XAF1: variants seen among roughly 807,000 people sequenced by gnomAD.
XAF1 encodes the protein XIAP associated factor 1, also known as XIAP-associated factor 1.
A neutral mutation model predicts 32.3 loss-of-function variants in XAF1; 32 were observed. The ratio of observed to expected loss-of-function variants is 0.99; its 90% CI spans 0.75 to 1.33. The LOEUF is 1.33. XAF1 is among the 40% of genes most tolerant of loss of function. XAF1 has a pLI of 0.00. For missense variants in XAF1, 379 were observed against 366.0 expected (o/e 1.04, Z -0.29); for synonymous variants, 120 against 125.9 (o/e 0.95, Z 0.31).
intron 5 of XAF1, among the ~76,000 whole-genome samples, chr17:6,766,334 C>A: frequency 6.6e-6 from 1 of 152,208 alleles, no homozygotes; most frequent in East Asian, 1.9e-4. Flanking sequence ...AAACTATAAG[C>A]CCCACTGGTC....
intron 1 of XAF1, among the ~76,000 whole-genome samples, chr17:6,756,681 G>A (rs1974699432): frequency 6.6e-6 from 1 of 152,150 alleles, no homozygotes; most frequent in Admixed American, 6.5e-5. Context: ...CTTTGCTCCA[G>A]CCAGACCCTT....
chr17:6,759,574 C>T lies in XAF1; in HGVS notation c.169-88C>T, dbSNP rs1453565520. 3 of 1,594,670 alleles carry T rather than the reference C, an allele frequency of 1.9e-6. No individual in the cohort carries two copies. The African/African-American group carries it at 4.0e-5, about 21-fold the overall frequency. The stretch of plus-strand genomic sequence containing the variant: ...AGTTCACAGACCCAAACCCGGAACA[C>T]TGTGAGCCAAAGTGGATGTGGGGCA... On this transcript the variant is annotated intron_variant, in intron 2 of 6. Coordinates refer to ENST00000361842, the MANE Select transcript of XAF1 (RefSeq NM_017523.5).
chr17:6,756,379 C>A, intron 1 of XAF1: 1 of 993,718 alleles, frequency 1.0e-6, no homozygotes, highest in Non-Finnish European at 1.4e-6. Flanking sequence ...AATAGCCCGG[C>A]CAGTGGTCCC....
intron 6 of XAF1, chr17:6,771,334 C>T (rs1000440989): frequency 9.1e-5 from 18 of 196,738 alleles, no homozygotes; most frequent in African/African-American, 4.2e-4. Context: ...CTATCTCTCT[C>T]ATGGTGTAGA....
At chr17:6,759,507 G>A in intron 2 of XAF1, 155 bp from the exon 3 acceptor site, 1 of 1,477,530 alleles carries the variant, frequency 6.8e-7, no homozygotes, top group Non-Finnish European at 8.9e-7. Flanking sequence ...CGGGGTGCTA[G>A]AGAGACACTG....
intron 5 of XAF1, among the ~76,000 whole-genome samples, chr17:6,768,563 T>G (rs1478606102): frequency 6.6e-6 from 1 of 152,232 alleles, no homozygotes; most frequent in Non-Finnish European, 1.5e-5. Context: ...AAATCTTTAG[T>G]TGCCTGAAAA....
chr17:6,759,446 G>C (rs1431935630), intron 2 of XAF1: 1 of 1,418,038 alleles, frequency 7.1e-7, no homozygotes, highest in South Asian at 1.6e-5. Flanking sequence ...TCAAGCTCAG[G>C]CAGCCGTTGC....
intron 1 of XAF1, chr17:6,756,376 C>G: frequency 9.6e-7 from 1 of 1,046,364 alleles, no homozygotes; most frequent in Non-Finnish European, 1.3e-6. Context: ...CCAAATAGCC[C>G]GGCCAGTGGT....
rs758535815 is a variant in XAF1 at position 6,770,961 on chromosome 17, C to T, written c.826C>T (p.Leu276=). The change falls in exon 6 of 7, where the codon CTG becomes TTG. Residue 276 remains leucine, a synonymous_variant. Transcript: ENST00000361842. ...TTCTCAGTGTGGCATCCTGCTTCCC[C>T]TGCCGATCCTAAATCAACATCAGGT... ...RCSQCGILLP[L]PILNQHQEKC... 6.2e-7 allele frequency: 1 copy of T among 1,614,120 alleles called. No homozygotes were observed. Among genetic ancestry groups the T allele is most frequent in the Admixed American group, 1.7e-5 (1 of 60,012 alleles).
At chr17:6,772,938 G>A (rs377073408) in intron 6 of XAF1, 175 bp from the exon 7 acceptor site, 38 of 535,692 alleles carry the variant, frequency 7.1e-5, no homozygotes, top group East Asian at 2.5e-4. Context: ...AAACTTTGTC[G>A]CAAGCCTCCT....
chr17:6,762,058 G>C (rs542727305), intron 4 of XAF1, 97 bp from the exon 5 acceptor site: 1 of 1,590,052 alleles, frequency 6.3e-7, no homozygotes, highest in East Asian at 2.3e-5. Context: ...GGGGCAGTTC[G>C]TGCTCATGAG....
intron 6 of XAF1, among the ~76,000 whole-genome samples, chr17:6,772,424 AT>A (rs1976106425): frequency 2.4e-5 from 3 of 124,222 alleles, no homozygotes; most frequent in African/African-American, 9.4e-5. Context: ...TGTTATATAC[AT>A]TTTTTCACTT....
chr17:6,758,141 C>A lies in XAF1; in HGVS notation c.85C>A (p.Arg29=), dbSNP rs1362977500. The A allele has an allele frequency of 1.2e-6, 2 of 1,614,104 alleles. No homozygotes were observed. Among genetic ancestry groups the A allele is most frequent in the Non-Finnish European group, 1.7e-6 (2 of 1,180,044 alleles). ...CACCCTCCATGAGGCTTACTGCCTGCGGTTCCTGGTCCTGTGTCCGGAGTG... is the reference window on the plus strand; with the variant it reads ...CACCCTCCATGAGGCTTACTGCCTGAGGTTCCTGGTCCTGTGTCCGGAGTG... ...NFTLHEAYCL[R]FLVLCPECEE... is the part of the protein sequence containing the mutation. Residue 29 remains arginine, a synonymous_variant, in exon 2 of 7, where the codon CGG becomes AGG. Transcript: ENST00000361842.
Position 6,762,064 on chromosome 17 carries a change from A to G in XAF1, c.422-91A>G, listed in dbSNP as rs747732935. On this transcript the variant is annotated intron_variant, in intron 4 of 6. Transcript: ENST00000361842. ...CAGGTCCGGGGGGCAGTTCGTGCTCATGAGCACAGGCCATGTATGCAGTTG... is the reference window on the plus strand; with the variant it reads ...CAGGTCCGGGGGGCAGTTCGTGCTCGTGAGCACAGGCCATGTATGCAGTTG... 3 of 1,598,684 alleles carry G rather than the reference A, an allele frequency of 1.9e-6. No individual in the cohort carries two copies. The South Asian group carries it at 3.4e-5, about 18-fold the overall frequency.
chr17:6,768,044 C>T (rs887696122), intron 5 of XAF1, among the ~76,000 whole-genome samples: 1 of 152,022 alleles, frequency 6.6e-6, no homozygotes, highest in Non-Finnish European at 1.5e-5. Flanking sequence ...CCCCTCTTTA[C>T]TGATTATTGT....
rs1424956318 is a variant in XAF1, at chr17:6,760,431, T to C, written c.251T>C (p.Val84Ala). Residue 84 changes from valine to alanine, a missense_variant, in exon 4 of 7, where the codon GTT becomes GCT. Transcript: ENST00000361842. Reference sequence around the variant, plus strand: ...GCCAATGAGTGCCAGGAGCGCCCTGTTGAGTGTAAGTTCTGCAAACTGGAC... The same window carrying C: ...GCCAATGAGTGCCAGGAGCGCCCTGCTGAGTGTAAGTTCTGCAAACTGGAC... ...HKANECQERP[V>A]ECKFCKLDMQ... 6.2e-7 allele frequency: 1 copy of C among 1,611,940 alleles called. No homozygotes were observed. The highest frequency in any genetic ancestry group is 1.3e-5 in the African/African-American group (1 of 74,604).
At chr17:6,758,028 C>T (rs1300080510) in intron 1 of XAF1, 61 bp from the exon 2 acceptor site, 12 of 1,608,762 alleles carry the variant, frequency 7.5e-6, no homozygotes, top group Non-Finnish European at 1.0e-5. Flanking sequence ...TGAAATACAG[C>T]TCCATGTTTT....
rs1255826760 is a variant in XAF1, at chr17:6,772,094, G to A, written c.850-1019G>A. On this transcript the variant is annotated intron_variant, in intron 6 of 6. Coordinates refer to ENST00000361842, the MANE Select transcript of XAF1 (RefSeq NM_017523.5). ...CTTGTGCATCTATGTATGCACATAA[G>A]CATATAATTTTACAAAAATGGGTTC... Among the ~76,000 whole-genome samples the A allele has an allele frequency of 2.6e-5, 4 of 152,022 alleles. No individual in the cohort carries two copies. The East Asian group carries it at 7.7e-4, about 29-fold the overall frequency.
At chr17:6,762,672 T>C (rs182379934) in intron 5 of XAF1, among the ~76,000 whole-genome samples, 5 of 152,328 alleles carry the variant, frequency 3.3e-5, no homozygotes, top group Non-Finnish European at 5.9e-5. Flanking sequence ...GAGGACTCTG[T>C]AGAGGCGCAG....
Sources: gnomAD v4.1 joint callset for allele counts (sites outside exome capture counted in the v4.1 genomes callset) on GRCh38, gnomAD v4.1.1 for gene constraint, MANE v1.5 for transcripts, NCBI Gene and HGNC (gene_info 2026-07-23, HGNC 2026-07-21) for gene names.